AQP7B: variants seen among roughly 807,000 people sequenced by gnomAD.
The protein encoded by AQP7B is putative aquaporin-7B.
chr2:94,594,473 G>A, the AQP7B span, among the ~76,000 whole-genome samples: 44 of 152,164 alleles, frequency 2.9e-4, 1 homozygote, highest in South Asian at 4.1e-4. Context: ...CCACTTGCCC[G>A]TCTGCAAAGT....
At chr2:94,590,993 G>A in the AQP7B span, among the ~76,000 whole-genome samples, 69 of 151,088 alleles carry the variant, frequency 4.6e-4, no homozygotes, top group African/African-American at 1.6e-3. Context: ...AGAAACAGGC[G>A]TTAGTGAGTT....
chr2:94,603,846 C>T, the AQP7B span: 1 of 1,447,954 alleles, frequency 6.9e-7, no homozygotes, highest in Admixed American at 1.7e-5. Context: ...ATGGCATAAA[C>T]ACAGGATATG....
At chr2:94,598,832 A>T in the AQP7B span, among the ~76,000 whole-genome samples, 11 of 152,166 alleles carry the variant, frequency 7.2e-5, no homozygotes, top group African/African-American at 2.4e-4. Context: ...TTTGAGACAG[A>T]GTCTGACCCT....
the AQP7B span, among the ~76,000 whole-genome samples, chr2:94,595,977 G>C: frequency 6.6e-6 from 1 of 152,208 alleles, no homozygotes; most frequent in Non-Finnish European, 1.5e-5. Context: ...AGAAAAGGAT[G>C]GTTTGAGGAC....
At chr2:94,596,360 G>C in the AQP7B span, among the ~76,000 whole-genome samples, 3 of 152,170 alleles carry the variant, frequency 2.0e-5, no homozygotes, top group Non-Finnish European at 4.4e-5. Flanking sequence ...TCTTATGCAG[G>C]GTCCAGGGTC....
chr2:94,603,855 T>C, the AQP7B span: 9 of 1,435,202 alleles, frequency 6.3e-6, no homozygotes, highest in Non-Finnish European at 7.8e-6. Context: ...ACACAGGATA[T>C]GCCATCAATC....
the AQP7B span, among the ~76,000 whole-genome samples, chr2:94,596,784 C>T: frequency 1.4e-3 from 217 of 152,120 alleles, no homozygotes; most frequent in Non-Finnish European, 2.5e-3. Flanking sequence ...ACTGCAGCCC[C>T]CACCTCCCAT....
At chr2:94,590,251 C>T in the AQP7B span, among the ~76,000 whole-genome samples, 54 of 152,230 alleles carry the variant, frequency 3.5e-4, no homozygotes, top group African/African-American at 1.3e-3. Context: ...GGCATGATCT[C>T]GGCTCACTGC....
At chr2:94,592,393 T>C in the AQP7B span, among the ~76,000 whole-genome samples, 12 of 152,172 alleles carry the variant, frequency 7.9e-5, no homozygotes, top group Admixed American at 3.3e-4. Context: ...CTTGCTGTAT[T>C]CCTTACCCCA....
chr2:94,603,348 G>A, the AQP7B span: 1 of 1,577,874 alleles, frequency 6.3e-7, no homozygotes, highest in Non-Finnish European at 8.7e-7. Flanking sequence ...GGCTTAGTTG[G>A]GGGCAGGTTC....
the AQP7B span, chr2:94,603,877 C>A: frequency 7.2e-7 from 1 of 1,383,268 alleles, no homozygotes; most frequent in Non-Finnish European, 1.0e-6. Flanking sequence ...ATCCCGGGAC[C>A]CGCCCCCCAG....
chr2:94,597,944 C>A, the AQP7B span, among the ~76,000 whole-genome samples: 1 of 152,118 alleles, frequency 6.6e-6, no homozygotes, highest in Non-Finnish European at 1.5e-5. Context: ...ATGCTCTGTA[C>A]CTTAGCTTAA....
At chr2:94,593,770 G>A in the AQP7B span, among the ~76,000 whole-genome samples, 1 of 152,110 alleles carries the variant, frequency 6.6e-6, no homozygotes, top group East Asian at 1.9e-4. Flanking sequence ...ATAGGCGTGA[G>A]CTACCGGGCC....
chr2:94,592,768 G>A, the AQP7B span, among the ~76,000 whole-genome samples: 2 of 147,242 alleles, frequency 1.4e-5, no homozygotes, highest in African/African-American at 5.0e-5. Flanking sequence ...AAGCAAACTG[G>A]TATGATCCCA....
chr2:94,601,946 G>C, the AQP7B span, among the ~76,000 whole-genome samples: 1 of 151,996 alleles, frequency 6.6e-6, no homozygotes, highest in East Asian at 1.9e-4. Context: ...TGCCGCCTGA[G>C]GTCAGTGGAA....
At chr2:94,597,398 A>T in the AQP7B span, among the ~76,000 whole-genome samples, 2 of 152,080 alleles carry the variant, frequency 1.3e-5, no homozygotes, top group East Asian at 3.9e-4. Flanking sequence ...TGAGATTTTC[A>T]TTGAGCACCT....
At chr2:94,594,782 T>C in the AQP7B span, 3 of 1,578,586 alleles carry the variant, frequency 1.9e-6, no homozygotes, top group Non-Finnish European at 2.6e-6. Flanking sequence ...TGGTCCGTGA[T>C]AGCAAAGATC....
the AQP7B span, among the ~76,000 whole-genome samples, chr2:94,593,074 C>T: frequency 1.3e-5 from 2 of 151,824 alleles, no homozygotes; most frequent in South Asian, 2.1e-4. Context: ...GCGATCAGCT[C>T]GCCTCGGCAA....
At chr2:94,596,367 G>A in the AQP7B span, among the ~76,000 whole-genome samples, 1 of 152,174 alleles carries the variant, frequency 6.6e-6, no homozygotes, top group East Asian at 1.9e-4. Flanking sequence ...CAGGGTCCAG[G>A]GTCTAGAAAA....
Sources: gnomAD v4.1 joint callset for allele counts (sites outside exome capture counted in the v4.1 genomes callset) on GRCh38, gnomAD v4.1.1 for gene constraint, MANE v1.5 for transcripts, NCBI Gene and HGNC (gene_info 2026-07-23, HGNC 2026-07-21) for gene names.